FSTL3: variants seen among roughly 807,000 people sequenced by gnomAD.
FSTL3 encodes the protein follistatin-related protein 3.
FSTL3 carries 21 observed loss-of-function variants against 28.1 expected under a neutral mutation model. The ratio of observed to expected loss-of-function variants is 0.75; its 90% CI spans 0.53 to 1.08. FSTL3 has a LOEUF of 1.08. Among genes scored for constraint, FSTL3 ranks in the 50% least tolerant of loss-of-function variants. The pLI is 0.00. For synonymous variants in FSTL3, 199 were observed against 164.2 expected, an observed-to-expected ratio of 1.21 and a Z score of -1.62; for missense variants, 400 against 380.9, an observed-to-expected ratio of 1.05 and a Z score of -0.42.
intron 3 of FSTL3, chr19:680,706 C>CT (rs2031314153): frequency 2.7e-6 from 1 of 364,522 alleles, no homozygotes; most frequent in African/African-American, 2.1e-5. Context: ...GGGGCGGGGC[C>CT]GCTGCCGCAG....
At position 677,898 on chromosome 19, in the gene FSTL3, C is replaced by T. The variant is rs2031246172; in HGVS notation, c.210C>T (p.Ala70=). 6.2e-7 allele frequency: 1 copy of T among 1,613,512 alleles called. No individual in the cohort carries two copies. Among genetic ancestry groups the T allele is most frequent in the Admixed American group, 1.7e-5 (1 of 60,002 alleles). ...GTGCCTCCGGCAACATTGACACCGC[C>T]TGGTCCAACCTCACCCACCCGGGGA... The part of the protein sequence containing the change: ...ECCASGNIDT[A]WSNLTHPGNK... Residue 70 remains alanine, a synonymous_variant, in exon 2 of 5, where the codon GCC becomes GCT. Transcript: ENST00000166139.
chr19:682,859 ACT>A lies in FSTL3; in HGVS notation c.*1153_*1154del, dbSNP rs904799317. On this transcript the variant is annotated 3_prime_UTR_variant, in exon 5 of 5. Coordinates refer to ENST00000166139, the MANE Select transcript of FSTL3 (RefSeq NM_005860.3). ...CCCCGAGGGGGGTGTAGACGCCAAG[ACT>A]CACGCATGTGTGACATCCGGAGTCC... 2 of 232,306 alleles carry A rather than the reference ACT, an allele frequency of 8.6e-6. No homozygotes were observed. The highest frequency in any genetic ancestry group is 1.7e-5 in the Non-Finnish European group (2 of 117,656). The allele number at this position is 232,306 out of a possible 1,614,324, so 14.4% of individuals were successfully genotyped here.
chr19:676,848 C>T (rs2031222043), intron 1 of FSTL3, among the ~76,000 whole-genome samples: 1 of 152,182 alleles, frequency 6.6e-6, no homozygotes, highest in African/African-American at 2.4e-5. Flanking sequence ...GGTCACACAG[C>T]CTGTAGCAGG....
At chr19:678,075 G>A (rs778788710) in intron 2 of FSTL3, 98 bp downstream of exon 2, 39 of 1,159,518 alleles carry the variant, frequency 3.4e-5, no homozygotes, top group South Asian at 4.2e-5. Flanking sequence ...GACTGAGCCC[G>A]TCACAGGGGT....
intron 2 of FSTL3, among the ~76,000 whole-genome samples, chr19:679,717 G>C (rs932792215): frequency 2.0e-5 from 3 of 152,092 alleles, no homozygotes; most frequent in African/African-American, 4.8e-5. Flanking sequence ...CTGCGGGGCA[G>C]CTCCTGGTTC....
chr19:676,659 C>G (rs544122488), intron 1 of FSTL3, 133 bp downstream of exon 1: 72 of 297,788 alleles, frequency 2.4e-4, no homozygotes, highest in African/African-American at 9.9e-4. Context: ...AAGCTGGAGC[C>G]GGGAAGGTCT....
At chr19:677,167 G>A (rs1239531736) in intron 1 of FSTL3, among the ~76,000 whole-genome samples, 7 of 152,152 alleles carry the variant, frequency 4.6e-5, no homozygotes, top group Admixed American at 2.6e-4. Context: ...CCCCAGGGAC[G>A]GGGGAAGAAA....
At chr19:678,487 T>C (rs1286552696) in intron 2 of FSTL3, among the ~76,000 whole-genome samples, 6 of 140,414 alleles carry the variant, frequency 4.3e-5, no homozygotes, top group Non-Finnish European at 9.2e-5. Context: ...TTCTCCGCAC[T>C]GGAGGATGAT....
At chr19:678,324 C>G (rs989275450) in intron 2 of FSTL3, among the ~76,000 whole-genome samples, 1 of 152,188 alleles carries the variant, frequency 6.6e-6, no homozygotes, top group African/African-American at 2.4e-5. Context: ...AATGTCCACA[C>G]CAGGGACCTT....
chr19:676,589 G>A, intron 1 of FSTL3, 63 bp downstream of exon 1: 1 of 558,866 alleles, frequency 1.8e-6, no homozygotes, highest in Non-Finnish European at 2.5e-6. Context: ...CGCGGAATGC[G>A]GCCGGGGGGA....
chr19:678,504 T>G (rs1006910755), intron 2 of FSTL3, among the ~76,000 whole-genome samples: 3 of 107,438 alleles, frequency 2.8e-5, no homozygotes, highest in Admixed American at 8.3e-5. Context: ...TGATGGTTTT[T>G]TTTTTTTTTT....
At chr19:677,199 AC>A (rs1165402533) in intron 1 of FSTL3, among the ~76,000 whole-genome samples, 3 of 150,630 alleles carry the variant, frequency 2.0e-5, no homozygotes, top group East Asian at 2.0e-4. Flanking sequence ...CTGGCTCCCC[AC>A]CCCCCATCCC....
In FSTL3 at chr19:682,179, T is replaced by TGTGGGGACCTC. The variant is rs2031352259; in HGVS notation, c.*471_*472insGTGGGGACCTC. On this transcript the variant is annotated 3_prime_UTR_variant, in exon 5 of 5. Coordinates refer to ENST00000166139, the MANE Select transcript of FSTL3 (RefSeq NM_005860.3). ...GTACGGAGGGTCTAGCCTGGGTGAG[T>TGTGGGGACCTC]ACGGAGGGTCTAGCCTGGGTGAGTA... 3.1e-6 allele frequency: 1 copy of TGTGGGGACCTC among 320,290 alleles called. No homozygotes were observed. 19.8% of individuals were successfully genotyped at this position (320,290 alleles called of 1,614,324 possible). A position where few individuals can be genotyped will look rare whatever the true frequency, so the allele number is the denominator to read the frequency against.
In FSTL3 at chr19:683,214, G is replaced by A. The variant is rs2031378190; in HGVS notation, c.*1506G>A. ...GGATATCCAGCTTCCCCGGTCTGGG[G>A]TGAGGAATGTGGGGAGCTTGGGCAT... On this transcript the variant is annotated 3_prime_UTR_variant, in exon 5 of 5. Transcript: ENST00000166139. 8.6e-6 allele frequency: 2 copies of A among 233,008 alleles called. No homozygotes were observed. Among genetic ancestry groups the A allele is most frequent in the South Asian group, 1.8e-4 (1 of 5,542 alleles). The allele number at this position is 233,008 out of a possible 1,614,324, so 14.4% of individuals were successfully genotyped here. A position where few individuals can be genotyped will look rare whatever the true frequency, so the allele number is the denominator to read the frequency against.
At chr19:679,485 G>T (rs1463905148) in intron 2 of FSTL3, among the ~76,000 whole-genome samples, 1 of 152,222 alleles carries the variant, frequency 6.6e-6, no homozygotes, top group African/African-American at 2.4e-5. Context: ...TAACAGAAAG[G>T]GGGTTGGTCA....
chr19:681,657 T>A lies in FSTL3; in HGVS notation c.741T>A (p.Pro247=), dbSNP rs772909733. The A allele has an allele frequency of 3.2e-6, 5 of 1,576,854 alleles. No homozygotes were observed. The South Asian group carries it at 5.7e-5, about 18-fold the overall frequency. The part of the protein sequence containing the change: ...VRHAGSCAGT[P]EEPPGGESAE... ...TCTTATCGACCCTTGCAGGCACCCC[T>A]GAGGAGCCGCCAGGTGGTGAGTCTG... The change falls in exon 5 of 5, where the codon CCT becomes CCA. Residue 247 remains proline, a synonymous_variant. Transcript: ENST00000166139.
rs569141510 is a variant in FSTL3, at chr19:680,956, A to AG, written c.506-371dup. 4.1e-3 allele frequency: 1,023 copies of AG among 248,100 alleles called. 10 individuals are homozygous for AG. Among genetic ancestry groups the AG allele is most frequent in the African/African-American group, 0.019 (642 of 34,100 alleles). The allele number at this position is 248,100 out of a possible 1,614,324, so 15.4% of individuals were successfully genotyped here. A position where few individuals can be genotyped will look rare whatever the true frequency, so the allele number is the denominator to read the frequency against. The stretch of plus-strand genomic sequence containing the variant: ...GTAACCAGAGGGGCATGATGGAACC[A>AG]GGGGGGTGAGACTGGGTCATGTAAG... On this transcript the variant is annotated intron_variant, in intron 3 of 4. Coordinates refer to ENST00000166139, the MANE Select transcript of FSTL3 (RefSeq NM_005860.3).
Position 683,080 on chromosome 19 carries a change from C to A in FSTL3, c.*1372C>A. The stretch of plus-strand genomic sequence containing the variant: ...AGGTGCTGGTCTTGGGCCAGTTCTC[C>A]CACGACGGCTCACCCTCCCCTCCAT... On this transcript the variant is annotated 3_prime_UTR_variant, in exon 5 of 5. Transcript: ENST00000166139. 4.3e-6 allele frequency: 1 copy of A among 233,272 alleles called. No homozygotes were observed. The allele number at this position is 233,272 out of a possible 1,614,324, so 14.5% of individuals were successfully genotyped here. A position where few individuals can be genotyped will look rare whatever the true frequency, so the allele number is the denominator to read the frequency against.
intron 2 of FSTL3, among the ~76,000 whole-genome samples, chr19:678,499 G>GTTT (rs746126061): frequency 0.013 from 1,162 of 91,218 alleles, 175 homozygotes; most frequent in Middle Eastern, 0.02. Context: ...GAGGATGATG[G>GTTT]TTTTTTTTTT....
Sources: gnomAD v4.1 joint callset for allele counts (sites outside exome capture counted in the v4.1 genomes callset) on GRCh38, gnomAD v4.1.1 for gene constraint, MANE v1.5 for transcripts, NCBI Gene and HGNC (gene_info 2026-07-23, HGNC 2026-07-21) for gene names.